DUSP14: variants seen among roughly 807,000 people sequenced by gnomAD.
The protein encoded by DUSP14 is dual specificity protein phosphatase 14.
DUSP14 carries 5 observed loss-of-function variants against 13.2 expected under a neutral mutation model. The observed-to-expected ratio is 0.38, with a 90% CI of 0.20 to 0.80. The LOEUF is 0.80. Ranked by LOEUF, DUSP14 falls within the 30% of genes least tolerant of loss-of-function variation. The pLI is 0.44. For synonymous variants in DUSP14, 91 were observed against 103.4 expected, an observed-to-expected ratio of 0.88 and a Z score of 0.73; for missense variants, 185 against 264.0, an observed-to-expected ratio of 0.70 and a Z score of 2.07.
At chr17:37,491,662 A>G (rs192112165) in intron 1 of DUSP14, 100 of 152,358 alleles carry the variant, frequency 6.6e-4, no homozygotes, top group Non-Finnish European at 1.3e-3. Context: ...ATAGAATGGC[A>G]TAAATGTATA....
chr17:37,509,104 C>CATATATATATAT (rs1164025226), intron 1 of DUSP14, among the ~76,000 whole-genome samples: 1 of 36,046 alleles, frequency 2.8e-5, no homozygotes, highest in African/African-American at 1.9e-4. Context: ...AAAAAAAACC[C>CATATATATATAT]ATATATATAT....
chr17:37,511,937 A>AGTTTTTTTTTTTTTTTTTT (rs1329764853), intron 2 of DUSP14, among the ~76,000 whole-genome samples: 448 of 16,372 alleles, frequency 0.027, 64 homozygotes, highest in Non-Finnish European at 0.037. Context: ...CCCCCACCCC[A>AGTTTTTTTTTTTTTTTTTT]CTTTTTTTTT....
At chr17:37,496,189 G>T (rs1160940400) in intron 1 of DUSP14, among the ~76,000 whole-genome samples, 1 of 152,132 alleles carries the variant, frequency 6.6e-6, no homozygotes, top group Non-Finnish European at 1.5e-5. Context: ...TGTTATCCTG[G>T]CTCCTATATA....
intron 1 of DUSP14, among the ~76,000 whole-genome samples, chr17:37,506,550 G>A (rs1019786698): frequency 6.6e-6 from 1 of 152,158 alleles, no homozygotes; most frequent in Admixed American, 6.5e-5. Flanking sequence ...CACTCAGAGA[G>A]CACCATGCAA....
intron 1 of DUSP14, among the ~76,000 whole-genome samples, chr17:37,491,131 G>T (rs867319219): frequency 2.2e-4 from 33 of 152,228 alleles, no homozygotes; most frequent in African/African-American, 8.0e-4. Flanking sequence ...AAAACCAGGG[G>T]AACAAAGGTG....
intron 1 of DUSP14, among the ~76,000 whole-genome samples, chr17:37,504,978 G>A (rs1037934561): frequency 2.6e-5 from 4 of 152,136 alleles, no homozygotes; most frequent in African/African-American, 7.2e-5. Context: ...TGCAGCCTCC[G>A]CCTCCCGGGT....
chr17:37,511,760 AAAAAAT>A (rs1009888579), intron 2 of DUSP14, among the ~76,000 whole-genome samples: 14 of 146,666 alleles, frequency 9.5e-5, no homozygotes, highest in African/African-American at 1.8e-4. Flanking sequence ...GCTAATTAAA[AAAAAAT>A]AAAAAATAAA....
At chr17:37,499,738 C>T (rs558453459) in intron 1 of DUSP14, among the ~76,000 whole-genome samples, 157 of 152,136 alleles carry the variant, frequency 1.0e-3, no homozygotes, top group African/African-American at 3.6e-3. Context: ...CCATGTTGGC[C>T]GGGCTGGTCT....
chr17:37,511,213 G>C (rs2054182477), intron 2 of DUSP14, among the ~76,000 whole-genome samples: 2 of 152,060 alleles, frequency 1.3e-5, no homozygotes, highest in Non-Finnish European at 2.9e-5. Context: ...CCTTCAAATT[G>C]CCTGGGATTA....
chr17:37,512,570 G>T lies in DUSP14; in HGVS notation c.298G>T (p.Val100Leu). 6.2e-7 allele frequency: 1 copy of T among 1,614,198 alleles called. No homozygotes were observed. The highest frequency in any genetic ancestry group is 8.5e-7 in the Non-Finnish European group (1 of 1,180,034). ...FDTVADKIHSVSRKHGATLVH... is the reference protein window; with the variant it reads ...FDTVADKIHSLSRKHGATLVH... ...CACCGTGGCTGACAAGATCCACAGT[G>T]TGAGCAGGAAGCACGGGGCCACCTT... is the stretch of plus-strand genomic sequence containing the variant. The change falls in exon 3 of 3, where the codon GTG becomes TTG. Residue 100 changes from valine (V) to leucine (L), a missense_variant. Transcript: ENST00000617516. The surrounding 1 kb of genome is among the most constrained non-coding windows in gnomAD (Gnocchi z 4.8).
chr17:37,502,741 T>C (rs1369938048), intron 1 of DUSP14, among the ~76,000 whole-genome samples: 1 of 152,042 alleles, frequency 6.6e-6, no homozygotes, highest in Admixed American at 6.6e-5. Context: ...GTGTGGTAGC[T>C]CTGTTGAGCT....
At chr17:37,500,653 C>T (rs553772590) in intron 1 of DUSP14, among the ~76,000 whole-genome samples, 1 of 152,300 alleles carries the variant, frequency 6.6e-6, no homozygotes, top group Admixed American at 6.5e-5. Flanking sequence ...TAACCAAGCA[C>T]ATATGATTCA....
rs1020833261 is a variant in DUSP14 at position 37,490,141 on chromosome 17, G to A, written c.-181+183G>A. On this transcript the variant is annotated intron_variant, in intron 1 of 2. Coordinates refer to ENST00000617516, the MANE Select transcript of DUSP14 (RefSeq NM_007026.4). ...CCCTGGCGGTCCTTGACTCTTCGGG[G>A]CGGCCCGCGGAGGAGAGGCCCGAGA... 2.2e-4 allele frequency among the ~76,000 whole-genome samples: 34 copies of A among 151,294 alleles called. No individual in the cohort carries two copies. In the East Asian group the frequency reaches 5.1e-3, roughly 23 times the overall value.
rs1030213233 is a variant in DUSP14, at chr17:37,497,333, G to A, written c.-181+7375G>A. Among the ~76,000 whole-genome samples the A allele has an allele frequency of 3.3e-5, 5 of 152,114 alleles. No homozygotes were observed. The South Asian group carries it at 1.0e-3, about 32-fold the overall frequency. On this transcript the variant is annotated intron_variant, in intron 1 of 2. Transcript: ENST00000617516. Reference sequence around the variant, plus strand: ...AATTTTTGTATTTTTAATAGAGATGGGGTTTCACTGTGTTGGCCAGGCTGG... The same window carrying A: ...AATTTTTGTATTTTTAATAGAGATGAGGTTTCACTGTGTTGGCCAGGCTGG...
intron 1 of DUSP14, among the ~76,000 whole-genome samples, chr17:37,501,340 C>A (rs1354998290): frequency 2.0e-5 from 3 of 152,174 alleles, no homozygotes; most frequent in African/African-American, 7.2e-5. Flanking sequence ...ATCTTGTTAA[C>A]CTGCTGGAGC....
At chr17:37,492,866 T>G (rs2054038216) in intron 1 of DUSP14, among the ~76,000 whole-genome samples, 1 of 152,186 alleles carries the variant, frequency 6.6e-6, no homozygotes. Flanking sequence ...AATCATTTCC[T>G]TCTTTTCTAT....
intron 1 of DUSP14, among the ~76,000 whole-genome samples, chr17:37,494,957 G>T (rs944262119): frequency 1.3e-5 from 2 of 152,124 alleles, no homozygotes; most frequent in South Asian, 2.1e-4. Flanking sequence ...TTATAGTAAA[G>T]ATTTTTTTTC....
intron 1 of DUSP14, among the ~76,000 whole-genome samples, chr17:37,508,404 C>G (rs971176721): frequency 6.6e-6 from 1 of 152,174 alleles, no homozygotes; most frequent in Non-Finnish European, 1.5e-5. Flanking sequence ...GAGGCATGCT[C>G]AGGTTTGAGA....
At chr17:37,494,155 G>A (rs1229061593) in intron 1 of DUSP14, among the ~76,000 whole-genome samples, 4 of 151,850 alleles carry the variant, frequency 2.6e-5, no homozygotes, top group Admixed American at 6.6e-5. Flanking sequence ...CACCATGCCC[G>A]GCTAATTTTT....
Sources: allele counts gnomAD v4.1 joint callset (sites outside exome capture counted in the v4.1 genomes callset), GRCh38; gene constraint gnomAD v4.1.1; non-coding constraint Gnocchi (gnomAD v3.1); transcripts MANE v1.5; gene names NCBI Gene and HGNC (gene_info 2026-07-23, HGNC 2026-07-21).